The following AFF3 variants were observed in gnomAD, a reference collection of about 807,000 sequenced individuals.
The protein encoded by AFF3 is AF4/FMR2 family member 3.
Under a neutral mutation model 129.7 loss-of-function variants are expected in AFF3, and 32 were observed. The observed-to-expected ratio is 0.25, with a 90% CI of 0.19 to 0.33. The LOEUF (loss-of-function observed/expected upper bound fraction) is 0.33. Ranked by LOEUF, AFF3 falls within the 10% of genes least tolerant of loss-of-function variation. AFF3 has a pLI of 1.00. For synonymous variants in AFF3, 644 were observed against 635.4 expected (o/e 1.01, Z -0.20); for missense variants, 1,373 against 1,592.0 (o/e 0.86, Z 2.34).
intron 4 of AFF3, among the ~76,000 whole-genome samples, chr2:100,026,291 G>A (rs1213318458): frequency 6.6e-6 from 1 of 152,124 alleles, no homozygotes; most frequent in African/African-American, 2.4e-5. Context: ...ACAAACATAT[G>A]AAAAAATGCT....
At chr2:100,095,936 A>G (rs1242504550) in intron 4 of AFF3, among the ~76,000 whole-genome samples, 1 of 152,206 alleles carries the variant, frequency 6.6e-6, no homozygotes, top group Non-Finnish European at 1.5e-5. Context: ...AAGGTCCCCA[A>G]CTGAAGTATC....
intron 8 of AFF3, among the ~76,000 whole-genome samples, chr2:99,806,159 G>C (rs879855918): frequency 1.3e-5 from 2 of 152,124 alleles, no homozygotes; most frequent in African/African-American, 4.8e-5. Flanking sequence ...TGTCAGATCC[G>C]ATCAACTTGG....
intron 12 of AFF3, among the ~76,000 whole-genome samples, chr2:99,650,673 C>T (rs1470729591): frequency 6.6e-6 from 1 of 151,964 alleles, no homozygotes; most frequent in Non-Finnish European, 1.5e-5. Context: ...TGACGTTAGG[C>T]GATGAGCACA....
chr2:99,758,897 C>T (rs774911121), intron 8 of AFF3, among the ~76,000 whole-genome samples: 23 of 152,200 alleles, frequency 1.5e-4, no homozygotes, highest in Non-Finnish European at 3.2e-4. Flanking sequence ...TCAGAATCCT[C>T]ACCCTAGTAC....
intron 7 of AFF3, among the ~76,000 whole-genome samples, chr2:99,973,485 T>C (rs973300274): frequency 1.3e-5 from 2 of 152,170 alleles, no homozygotes; most frequent in Non-Finnish European, 2.9e-5. Context: ...AGATTCAGAT[T>C]ACCCCTAAGA....
intron 1 of AFF3, among the ~76,000 whole-genome samples, chr2:100,135,695 G>A (rs1052611049): frequency 4.6e-5 from 7 of 152,180 alleles, no homozygotes; most frequent in African/African-American, 9.7e-5. Flanking sequence ...TTGGTTATGC[G>A]GCAAGGGACA....
At chr2:99,651,833 G>A (rs1311845068) in intron 12 of AFF3, among the ~76,000 whole-genome samples, 1 of 151,670 alleles carries the variant, frequency 6.6e-6, no homozygotes, top group African/African-American at 2.4e-5. Context: ...CTTCAGGTTA[G>A]AAAAAAAAGT....
At chr2:99,800,201 T>TA in intron 8 of AFF3, among the ~76,000 whole-genome samples, 1 of 152,210 alleles carries the variant, frequency 6.6e-6, no homozygotes. Flanking sequence ...GTAGAACATA[T>TA]AAAAAAGACT....
At chr2:99,859,831 C>T (rs549174292) in intron 7 of AFF3, among the ~76,000 whole-genome samples, 8 of 152,254 alleles carry the variant, frequency 5.3e-5, no homozygotes, top group South Asian at 2.1e-4. Context: ...AAGGGCCAGA[C>T]GAAACCGGGA....
At chr2:99,931,849 C>T (rs1438758565) in intron 7 of AFF3, among the ~76,000 whole-genome samples, 1 of 152,188 alleles carries the variant, frequency 6.6e-6, no homozygotes, top group Non-Finnish European at 1.5e-5. Flanking sequence ...GCAGAGGTTG[C>T]AGTGAGCCGA....
At chr2:100,020,997 C>A (rs1683544221) in intron 4 of AFF3, among the ~76,000 whole-genome samples, 1 of 152,202 alleles carries the variant, frequency 6.6e-6, no homozygotes, top group Non-Finnish European at 1.5e-5. Flanking sequence ...AGCTCCCAAT[C>A]TTCCCAGTTT....
At chr2:99,554,793 T>A in intron 22 of AFF3, 61 bp from the exon 23 acceptor site, 1 of 1,593,748 alleles carries the variant, frequency 6.3e-7, no homozygotes, top group Non-Finnish European at 8.6e-7. Flanking sequence ...ACAGGTGACA[T>A]GAACGTGTTT....
At position 99,547,516 on chromosome 2, in the gene AFF3, G is replaced by A. The variant is rs756168952; in HGVS notation, c.*3958C>T. ...CTTGCTTTTTTTTTTTTTTGGTGAT[G>A]CAGATTTCAACAGTAACTCTGGAAA... On this transcript the variant is annotated 3_prime_UTR_variant, in exon 25 of 25. Coordinates refer to ENST00000672756, the MANE Select transcript of AFF3 (RefSeq NM_001386135.1). The A allele has an allele frequency of 9.9e-6, 2 of 201,284 alleles. No homozygotes were observed. The highest frequency in any genetic ancestry group is 2.0e-5 in the Non-Finnish European group (2 of 98,908). 12.5% of individuals were successfully genotyped at this position (201,284 alleles called of 1,614,324 possible).
intron 12 of AFF3, among the ~76,000 whole-genome samples, chr2:99,662,263 T>C (rs886289827): frequency 6.6e-6 from 1 of 152,228 alleles, no homozygotes; most frequent in South Asian, 2.1e-4. Flanking sequence ...GATTACTTCA[T>C]ATACGGATAT....
intron 8 of AFF3, among the ~76,000 whole-genome samples, chr2:99,815,395 A>T (rs2105626044): frequency 6.6e-6 from 1 of 152,258 alleles, no homozygotes; most frequent in East Asian, 1.9e-4. Flanking sequence ...CTCATTAAAC[A>T]ATATGTAATG....
chr2:99,582,659 T>C (rs1262091139), intron 17 of AFF3, 139 bp downstream of exon 17: 16 of 853,922 alleles, frequency 1.9e-5, no homozygotes, highest in Non-Finnish European at 2.5e-5. Flanking sequence ...CTCTGTTGGG[T>C]CTTCCTAGAA....
rs117094206 is a variant in AFF3, at chr2:99,610,184, T to C, written c.1185-8563A>G. Among the ~76,000 whole-genome samples, 3 of 152,280 alleles carry C rather than the reference T, an allele frequency of 2.0e-5. No individual in the cohort carries two copies. In the East Asian group the frequency reaches 5.8e-4, roughly 29 times the overall value. On this transcript the variant is annotated intron_variant, in intron 13 of 24. Transcript: ENST00000672756. Reference sequence around the variant, plus strand: ...TCTCTTCACACGGACGCGCTTGACATAGATTCATGTAACCACCACCACGAT... The same window carrying C: ...TCTCTTCACACGGACGCGCTTGACACAGATTCATGTAACCACCACCACGAT...
intron 7 of AFF3, among the ~76,000 whole-genome samples, chr2:99,899,629 G>A (rs560170461): frequency 5.3e-5 from 8 of 152,278 alleles, no homozygotes; most frequent in African/African-American, 1.7e-4. Flanking sequence ...AGACAGTTCC[G>A]CTACCTGAAC....
At chr2:99,903,393 A>G (rs2106156019) in intron 7 of AFF3, among the ~76,000 whole-genome samples, 1 of 152,314 alleles carries the variant, frequency 6.6e-6, no homozygotes, top group African/African-American at 2.4e-5. Context: ...GTACAGGAAG[A>G]AATAATAAGT....
Sources: gnomAD v4.1 joint callset for allele counts (sites outside exome capture counted in the v4.1 genomes callset) on GRCh38, gnomAD v4.1.1 for gene constraint, MANE v1.5 for transcripts, NCBI Gene and HGNC (gene_info 2026-07-23, HGNC 2026-07-21) for gene names.